The following MAP2K6 variants were observed in gnomAD, a reference collection of about 807,000 sequenced individuals.
MAP2K6 encodes the protein mitogen-activated protein kinase kinase 6.
MAP2K6 carries 16 observed loss-of-function variants against 53.7 expected under a neutral mutation model. The observed-to-expected ratio is 0.30, with a 90% CI of 0.20 to 0.45. The LOEUF (loss-of-function observed/expected upper bound fraction) is 0.45, where lower values mean the gene tolerates loss of function less well. MAP2K6 is among the 20% of genes least tolerant of loss of function. MAP2K6 has a pLI of 1.00. For synonymous variants in MAP2K6, 132 were observed against 143.1 expected (o/e 0.92, Z 0.55); for missense variants, 204 against 411.9 (o/e 0.50, Z 4.37).
chr17:69,448,602 G>C (rs1000563867), intron 1 of MAP2K6, among the ~76,000 whole-genome samples: 8 of 151,618 alleles, frequency 5.3e-5, no homozygotes, highest in Non-Finnish European at 1.2e-4. Context: ...TTTTCTTTCT[G>C]CTTTTTTTTT....
intron 2 of MAP2K6, among the ~76,000 whole-genome samples, chr17:69,510,287 C>T (rs1409624620): frequency 6.6e-6 from 1 of 152,190 alleles, no homozygotes; most frequent in Non-Finnish European, 1.5e-5. Flanking sequence ...GCTAGCTTTG[C>T]ATACCCCAAA....
At chr17:69,512,319 T>G (rs1459227521) in intron 2 of MAP2K6, among the ~76,000 whole-genome samples, 1 of 138,542 alleles carries the variant, frequency 7.2e-6, no homozygotes, top group Admixed American at 7.3e-5. Flanking sequence ...TCTCATTGTC[T>G]TTCTAAGTGT....
chr17:69,415,007 G>A lies in MAP2K6; in HGVS notation c.16+7G>A, dbSNP rs755380570. On this transcript the variant is annotated splice_region_variant and intron_variant, in intron 1 of 11. Coordinates refer to ENST00000590474, the MANE Select transcript of MAP2K6 (RefSeq NM_002758.4). ...AAAATGTCTCAGTCGAAAGGTAAGA[G>A]GCTGTTTGCATTAGTTGCAAAAATG... 1 of 1,549,942 alleles carries A rather than the reference G, an allele frequency of 6.5e-7. No homozygotes were observed. Among genetic ancestry groups the A allele is most frequent in the Non-Finnish European group, 8.9e-7 (1 of 1,121,732 alleles).
At chr17:69,505,170 G>A (rs1196915950) in intron 1 of MAP2K6, among the ~76,000 whole-genome samples, 1 of 151,852 alleles carries the variant, frequency 6.6e-6, no homozygotes, top group Non-Finnish European at 1.5e-5. Context: ...GGCCAGGCAT[G>A]GTGGCTCATG....
Position 69,448,247 on chromosome 17 carries a change from T to G in MAP2K6, c.16+33247T>G, listed in dbSNP as rs1907043266. Among the ~76,000 whole-genome samples, 16 of 150,814 alleles carry G rather than the reference T, an allele frequency of 1.1e-4. 1 individual carries two copies. In the South Asian group the frequency reaches 3.3e-3, roughly 31 times the overall value. ...ATTGTAATATGGTTTTGTTTTTGTT[T>G]TTTTTTTTTTTCAAATTCAAGTTTA... On this transcript the variant is annotated intron_variant, in intron 1 of 11. Coordinates refer to ENST00000590474, the MANE Select transcript of MAP2K6 (RefSeq NM_002758.4).
intron 1 of MAP2K6, among the ~76,000 whole-genome samples, chr17:69,449,518 T>C (rs1907102099): frequency 8.0e-6 from 1 of 124,494 alleles, no homozygotes; most frequent in Admixed American, 8.0e-5. Context: ...TCTTTCTTTG[T>C]CTTTCTTTCT....
intron 8 of MAP2K6, 29 bp from the exon 9 acceptor site, chr17:69,524,872 A>G (rs764539503): frequency 1.9e-6 from 3 of 1,549,024 alleles, no homozygotes; most frequent in Non-Finnish European, 2.7e-6. Context: ...TTGTCTTCCC[A>G]GTTTCTCAGT....
chr17:69,528,851 C>T (rs1440711120), intron 10 of MAP2K6, among the ~76,000 whole-genome samples: 17 of 102,984 alleles, frequency 1.7e-4, no homozygotes, highest in South Asian at 6.8e-4. Flanking sequence ...AAGAGAGAGA[C>T]GCCATCTCAA....
At chr17:69,421,604 T>A (rs894612349) in intron 1 of MAP2K6, among the ~76,000 whole-genome samples, 34 of 151,362 alleles carry the variant, frequency 2.2e-4, no homozygotes, top group African/African-American at 8.2e-4. Context: ...AGTGGTGCGA[T>A]CTCAGCTTAC....
intron 1 of MAP2K6, among the ~76,000 whole-genome samples, chr17:69,444,705 T>C (rs1393087139): frequency 6.6e-6 from 1 of 152,164 alleles, no homozygotes; most frequent in Non-Finnish European, 1.5e-5. Context: ...TTAGCTGCAA[T>C]GAATGCTGGG....
chr17:69,449,991 G>T (rs1907156350), intron 1 of MAP2K6, among the ~76,000 whole-genome samples: 1 of 151,788 alleles, frequency 6.6e-6, no homozygotes, highest in Admixed American at 6.6e-5. Context: ...CTGGAGTGCA[G>T]TGGCGCGATC....
intron 1 of MAP2K6, among the ~76,000 whole-genome samples, chr17:69,421,894 C>T (rs942038184): frequency 9.9e-5 from 15 of 151,766 alleles, no homozygotes; most frequent in African/African-American, 2.4e-4. Context: ...CAGGGAACTT[C>T]GCAAGGATCA....
chr17:69,465,113 A>C (rs1277421839), intron 1 of MAP2K6, among the ~76,000 whole-genome samples: 1 of 151,312 alleles, frequency 6.6e-6, no homozygotes, highest in African/African-American at 2.4e-5. Context: ...TTGTTGATTG[A>C]ATGAATGGTA....
In MAP2K6 at chr17:69,446,976, C is replaced by CT. The variant is rs71357721; in HGVS notation, c.16+31994dup. On this transcript the variant is annotated intron_variant, in intron 1 of 11. Coordinates refer to ENST00000590474, the MANE Select transcript of MAP2K6 (RefSeq NM_002758.4). ...TTGTATTTTATTATAACCTCTGTTTCTTTTTTTTTTTTTTTTTTGAGACGG... is the reference window on the plus strand; with the variant it reads ...TTGTATTTTATTATAACCTCTGTTTCTTTTTTTTTTTTTTTTTTTGAGACGG... 1.0e-3 allele frequency among the ~76,000 whole-genome samples: 135 copies of CT among 129,512 alleles called. 3 individuals carry two copies. The highest frequency in any genetic ancestry group is 2.9e-3 in the South Asian group (12 of 4,136). 85.0% of individuals were successfully genotyped at this position (129,512 alleles called of 152,430 possible). A position where few individuals can be genotyped will look rare whatever the true frequency, so the allele number is the denominator to read the frequency against.
chr17:69,431,035 A>G (rs1250072694), intron 1 of MAP2K6, among the ~76,000 whole-genome samples: 4 of 152,186 alleles, frequency 2.6e-5, no homozygotes, highest in Non-Finnish European at 5.9e-5. Context: ...TAGTCTATAA[A>G]AGTGATTATT....
chr17:69,448,112 C>T (rs922016416), intron 1 of MAP2K6, among the ~76,000 whole-genome samples: 2 of 152,170 alleles, frequency 1.3e-5, no homozygotes, highest in African/African-American at 4.8e-5. Flanking sequence ...ACAGACTCAC[C>T]TAAATATTGT....
rs563445204 is a variant in MAP2K6 at position 69,553,677 on chromosome 17, C to T, written c.*11924C>T. The T allele has an allele frequency of 3.3e-5, 5 of 152,270 alleles. No homozygotes were observed. The highest frequency in any genetic ancestry group is 2.1e-4 in the South Asian group (1 of 4,822). 9.4% of individuals were successfully genotyped at this position (152,270 alleles called of 1,614,324 possible). A position where few individuals can be genotyped will look rare whatever the true frequency, so the allele number is the denominator to read the frequency against. On this transcript the variant is annotated 3_prime_UTR_variant, in exon 12 of 12. Coordinates refer to ENST00000590474, the MANE Select transcript of MAP2K6 (RefSeq NM_002758.4). ...CAAACTGACTCAAACAACAGTTTAA[C>T]GATAGAGAAGACAGTGATAATGGCA...
intron 2 of MAP2K6, among the ~76,000 whole-genome samples, chr17:69,514,795 C>G (rs1910053586): frequency 6.6e-6 from 1 of 152,162 alleles, no homozygotes; most frequent in Non-Finnish European, 1.5e-5. Flanking sequence ...CTCCTGACCT[C>G]AGGTGATCCG....
At chr17:69,519,790 T>C (rs1433210970) in intron 5 of MAP2K6, 1 of 244,620 alleles carries the variant, frequency 4.1e-6, no homozygotes, top group East Asian at 1.2e-4. Context: ...CCTACTTGTG[T>C]ACTATATAGA....
Sources: gnomAD v4.1 joint callset for allele counts (sites outside exome capture counted in the v4.1 genomes callset) on GRCh38, gnomAD v4.1.1 for gene constraint, MANE v1.5 for transcripts, NCBI Gene and HGNC (gene_info 2026-07-23, HGNC 2026-07-21) for gene names.